The following THEMIS variants were observed in gnomAD, a reference collection of about 807,000 sequenced individuals.
THEMIS encodes the protein protein THEMIS.
A neutral mutation model predicts 52.6 loss-of-function variants in THEMIS; 37 were observed. The ratio of observed to expected loss-of-function variants is 0.70; its 90% CI spans 0.54 to 0.93. The LOEUF is 0.93. Among genes scored for constraint, THEMIS ranks in the 40% least tolerant of loss-of-function variants. The pLI is 0.00. For synonymous variants in THEMIS, 292 were observed against 272.7 expected, an observed-to-expected ratio of 1.07 and a Z score of -0.70; for missense variants, 808 against 763.1, an observed-to-expected ratio of 1.06 and a Z score of -0.69.
At chr6:127,839,290 AAT>A (rs1464611061) in intron 2 of THEMIS, among the ~76,000 whole-genome samples, 1 of 152,060 alleles carries the variant, frequency 6.6e-6, no homozygotes, top group Non-Finnish European at 1.5e-5. Context: ...TTAGTTATAA[AAT>A]ATGTTACCCC....
chr6:127,892,428 A>T (rs77087868), intron 1 of THEMIS, among the ~76,000 whole-genome samples: 2 of 152,178 alleles, frequency 1.3e-5, no homozygotes, highest in African/African-American at 4.8e-5. Context: ...TCAGTGCTTC[A>T]TGACACTTGT....
chr6:127,771,094 G>A (rs1776369996), intron 4 of THEMIS, among the ~76,000 whole-genome samples: 1 of 152,060 alleles, frequency 6.6e-6, no homozygotes, highest in Admixed American at 6.6e-5. Flanking sequence ...CAAAATCACT[G>A]CAAAAATCAC....
intron 4 of THEMIS, chr6:127,807,125 G>A (rs1207203113): frequency 1.3e-5 from 2 of 159,602 alleles, no homozygotes; most frequent in African/African-American, 2.4e-5. Context: ...CACTTTGGGA[G>A]GCCCAGGTGG....
chr6:127,816,426 G>A (rs1778138025), intron 3 of THEMIS, among the ~76,000 whole-genome samples: 2 of 152,140 alleles, frequency 1.3e-5, no homozygotes, highest in Admixed American at 6.6e-5. Flanking sequence ...TCTAATAGAT[G>A]TCTCAAAATT....
chr6:127,866,579 G>T (rs1416860023), intron 1 of THEMIS, among the ~76,000 whole-genome samples: 2 of 151,838 alleles, frequency 1.3e-5, no homozygotes, highest in Non-Finnish European at 2.9e-5. Flanking sequence ...TTGCCCTTTG[G>T]TGGATGAGCT....
chr6:127,732,051 C>T (rs1365428860), intron 4 of THEMIS, among the ~76,000 whole-genome samples: 1 of 149,866 alleles, frequency 6.7e-6, no homozygotes, highest in Admixed American at 6.7e-5. Flanking sequence ...TTTGGTGAAT[C>T]TTAAATGTTA....
At chr6:127,870,702 G>T (rs1222863861) in intron 1 of THEMIS, among the ~76,000 whole-genome samples, 1 of 152,052 alleles carries the variant, frequency 6.6e-6, no homozygotes, top group African/African-American at 2.4e-5. Flanking sequence ...AATACCAAAT[G>T]AAGTAAAATT....
At chr6:127,890,801 A>T (rs946080834) in intron 1 of THEMIS, among the ~76,000 whole-genome samples, 3 of 152,230 alleles carry the variant, frequency 2.0e-5, no homozygotes, top group East Asian at 3.9e-4. Flanking sequence ...ACAAAAATTA[A>T]AATTGTATAT....
chr6:127,719,963 A>G (rs1774308379), intron 4 of THEMIS, 140 bp from the exon 5 acceptor site: 1 of 1,070,188 alleles, frequency 9.3e-7, no homozygotes, highest in Non-Finnish European at 1.3e-6. Flanking sequence ...TACAAATTAT[A>G]TGTTCATCAA....
At chr6:127,714,880 C>T (rs771960361) in intron 5 of THEMIS, among the ~76,000 whole-genome samples, 10 of 151,864 alleles carry the variant, frequency 6.6e-5, no homozygotes, top group Non-Finnish European at 1.5e-4. Context: ...GTTTTGCCTT[C>T]ATAATTAGCA....
chr6:127,770,486 G>A (rs1318658102), intron 4 of THEMIS, among the ~76,000 whole-genome samples: 2 of 152,032 alleles, frequency 1.3e-5, no homozygotes, highest in Non-Finnish European at 1.5e-5. Flanking sequence ...TTTTTTTCCT[G>A]TAAATTTGTT....
chr6:127,830,059 A>T (rs1778648511), intron 2 of THEMIS, 125 bp from the exon 3 acceptor site: 1 of 688,072 alleles, frequency 1.5e-6, no homozygotes. Context: ...CTTTTTAAAG[A>T]TTAGAGATGC....
At chr6:127,844,687 A>G (rs1015026550) in intron 2 of THEMIS, among the ~76,000 whole-genome samples, 1 of 151,890 alleles carries the variant, frequency 6.6e-6, no homozygotes, top group African/African-American at 2.4e-5. Flanking sequence ...GCTCCATAAC[A>G]CTCTGAAAGA....
chr6:127,730,504 AAAG>A (rs1200457055), intron 4 of THEMIS, among the ~76,000 whole-genome samples: 1 of 151,798 alleles, frequency 6.6e-6, no homozygotes, highest in Non-Finnish European at 1.5e-5. Flanking sequence ...AAGAAATGAA[AAAG>A]AAGGAAGGGA....
At chr6:127,733,968 C>G (rs778560373) in intron 4 of THEMIS, among the ~76,000 whole-genome samples, 3 of 152,160 alleles carry the variant, frequency 2.0e-5, no homozygotes, top group Non-Finnish European at 2.9e-5. Context: ...ATTCCAGTTT[C>G]TGCATGAGTG....
In THEMIS at chr6:127,897,749, T is replaced by C. The variant is rs1781013672; in HGVS notation, c.91+3093A>G. Among the ~76,000 whole-genome samples, 3 of 151,728 alleles carry C rather than the reference T, an allele frequency of 2.0e-5. No homozygotes were observed. In the South Asian group the frequency reaches 6.2e-4, roughly 31 times the overall value. On this transcript the variant is annotated intron_variant, in intron 1 of 5. Transcript: ENST00000368248. ...TTTCATTAGCTTCCAAGGGTGAATGTACACACACAATATGACATAGTAATC... is the reference window on the plus strand; with the variant it reads ...TTTCATTAGCTTCCAAGGGTGAATGCACACACACAATATGACATAGTAATC...
intron 4 of THEMIS, among the ~76,000 whole-genome samples, chr6:127,743,033 AAATT>A (rs1408538708): frequency 9.9e-5 from 15 of 152,180 alleles, no homozygotes; most frequent in African/African-American, 3.6e-4. Context: ...ATAGAAGAAT[AAATT>A]ATTTTAGAAA....
At chr6:127,754,565 A>C (rs1349952707) in intron 4 of THEMIS, among the ~76,000 whole-genome samples, 1 of 152,202 alleles carries the variant, frequency 6.6e-6, no homozygotes, top group Admixed American at 6.5e-5. Context: ...AACACAGGGA[A>C]ACTCTCCCTC....
At chr6:127,712,104 T>C (rs1213452774) in intron 5 of THEMIS, among the ~76,000 whole-genome samples, 1 of 151,982 alleles carries the variant, frequency 6.6e-6, no homozygotes, top group African/African-American at 2.4e-5. Flanking sequence ...GCATGCAGTT[T>C]GAAAGTTCAA....
Sources: gnomAD v4.1 joint callset for allele counts (sites outside exome capture counted in the v4.1 genomes callset) on GRCh38, gnomAD v4.1.1 for gene constraint, MANE v1.5 for transcripts, NCBI Gene and HGNC (gene_info 2026-07-23, HGNC 2026-07-21) for gene names.